The following PDK1 variants were observed in gnomAD, a reference collection of about 807,000 sequenced individuals.
PDK1 encodes pyruvate dehydrogenase kinase 1.
In PDK1, 39 loss-of-function variants were observed where a neutral mutation model predicts 54.2. The ratio of observed to expected loss-of-function variants is 0.72; its 90% CI spans 0.56 to 0.94. The LOEUF is 0.94. Among genes scored for constraint, PDK1 ranks in the 40% least tolerant of loss-of-function variants. The pLI is 0.00. For synonymous variants in PDK1, 221 were observed against 207.1 expected, an observed-to-expected ratio of 1.07 and a Z score of -0.58; for missense variants, 552 against 566.0, an observed-to-expected ratio of 0.98 and a Z score of 0.25.
the PDK1 span, among the ~76,000 whole-genome samples, chr2:172,675,839 G>T: frequency 6.6e-6 from 1 of 152,164 alleles, no homozygotes; most frequent in Non-Finnish European, 1.5e-5. Context: ...TTCAGAATTA[G>T]AGAGAAGAAG....
chr2:172,691,046 G>A, the PDK1 span, among the ~76,000 whole-genome samples: 1 of 150,318 alleles, frequency 6.7e-6, no homozygotes, highest in South Asian at 2.1e-4. Flanking sequence ...AACCCAGGAA[G>A]TCCAGCTGGC....
chr2:172,683,378 G>A, the PDK1 span, among the ~76,000 whole-genome samples: 1 of 151,164 alleles, frequency 6.6e-6, no homozygotes, highest in African/African-American at 2.4e-5. Flanking sequence ...ATAAAGAAAT[G>A]AGTTTTAATT....
chr2:172,675,438 G>A, the PDK1 span, among the ~76,000 whole-genome samples: 1 of 152,204 alleles, frequency 6.6e-6, no homozygotes, highest in African/African-American at 2.4e-5. Flanking sequence ...GTGAGCACTA[G>A]AATGATAAGA....
the PDK1 span, among the ~76,000 whole-genome samples, chr2:172,717,666 C>T: frequency 6.6e-6 from 1 of 152,166 alleles, no homozygotes; most frequent in Non-Finnish European, 1.5e-5. Context: ...TGCCTCACCT[C>T]CCGAATAAAT....
At chr2:172,722,182 T>G in the PDK1 span, among the ~76,000 whole-genome samples, 1 of 152,218 alleles carries the variant, frequency 6.6e-6, no homozygotes, top group African/African-American at 2.4e-5. Context: ...CCTCTATTGG[T>G]CCTAATCCCT....
downstream of PDK1, among the ~76,000 whole-genome samples, chr2:172,610,618 C>A (rs1304152808): frequency 1.3e-5 from 2 of 151,768 alleles, no homozygotes; most frequent in African/African-American, 4.8e-5. Flanking sequence ...TAATTTTTTT[C>A]TTTTTTCTTT....
chr2:172,704,488 T>A, the PDK1 span, among the ~76,000 whole-genome samples: 1 of 152,068 alleles, frequency 6.6e-6, no homozygotes, highest in African/African-American at 2.4e-5. Context: ...AGGTTTACAA[T>A]CTCTGTAAAG....
chr2:172,637,351 T>C, the PDK1 span, among the ~76,000 whole-genome samples: 2 of 152,202 alleles, frequency 1.3e-5, no homozygotes, highest in Admixed American at 6.5e-5. Flanking sequence ...CAGAGGTCAC[T>C]TATTCTGCCT....
chr2:172,630,218 C>A, the PDK1 span, among the ~76,000 whole-genome samples: 1 of 152,178 alleles, frequency 6.6e-6, no homozygotes, highest in Non-Finnish European at 1.5e-5. Context: ...TTCCTAAAAA[C>A]TATGTACTTG....
the PDK1 span, among the ~76,000 whole-genome samples, chr2:172,630,318 T>C: frequency 6.6e-6 from 1 of 152,224 alleles, no homozygotes; most frequent in Non-Finnish European, 1.5e-5. Flanking sequence ...GCTAGAGTAC[T>C]TCAAATTACC....
chr2:172,658,795 G>A, the PDK1 span, among the ~76,000 whole-genome samples: 2 of 152,088 alleles, frequency 1.3e-5, no homozygotes, highest in African/African-American at 2.4e-5. Flanking sequence ...TTAGGGTGGG[G>A]AAAAAACTGC....
intron 5 of PDK1, among the ~76,000 whole-genome samples, chr2:172,566,120 G>C (rs1688925384): frequency 6.6e-6 from 1 of 152,184 alleles, no homozygotes; most frequent in South Asian, 2.1e-4. Context: ...TTGTTACATA[G>C]ATAGCAATTA....
At chr2:172,591,640 G>C (rs1690595567) in intron 9 of PDK1, among the ~76,000 whole-genome samples, 1 of 152,170 alleles carries the variant, frequency 6.6e-6, no homozygotes, top group Non-Finnish European at 1.5e-5. Flanking sequence ...TAGTTGTATG[G>C]CCCTGCGCTG....
chr2:172,710,119 C>T, the PDK1 span, among the ~76,000 whole-genome samples: 2 of 152,008 alleles, frequency 1.3e-5, no homozygotes, highest in African/African-American at 2.4e-5. Flanking sequence ...ACGTAAGTGA[C>T]GAAAGTGGCT....
chr2:172,638,359 A>G, the PDK1 span, among the ~76,000 whole-genome samples: 26 of 152,388 alleles, frequency 1.7e-4, no homozygotes, highest in African/African-American at 6.3e-4. Flanking sequence ...CTTCTTGCTG[A>G]CATACATTTC....
Position 172,587,465 on chromosome 2 carries a change from A to G in PDK1, c.1056+1077A>G, listed in dbSNP as rs530405079. 8.5e-5 allele frequency among the ~76,000 whole-genome samples: 12 copies of G among 141,496 alleles called. 2 individuals carry two copies. The highest frequency in any genetic ancestry group is 3.2e-4 in the African/African-American group (12 of 37,326). 92.8% of individuals were successfully genotyped at this position (141,496 alleles called of 152,430 possible). ...TGCAGCTCATAAAGGTGGCACGTCC[A>G]GAGTTGTTTGTTCTTCTGGGTGGGT... On this transcript the variant is annotated intron_variant, in intron 9 of 10. Transcript: ENST00000282077.
chr2:172,689,574 G>A, the PDK1 span, among the ~76,000 whole-genome samples: 896 of 152,256 alleles, frequency 5.9e-3, 11 homozygotes, highest in African/African-American at 0.02. Context: ...AAAGCTGGAG[G>A]GATCATGCTA....
At chr2:172,638,941 A>G in the PDK1 span, among the ~76,000 whole-genome samples, 1 of 152,224 alleles carries the variant, frequency 6.6e-6, no homozygotes, top group Non-Finnish European at 1.5e-5. Context: ...ATAACTTGGA[A>G]TGGCATCAAA....
chr2:172,584,621 A>G (rs1690105377), intron 8 of PDK1, among the ~76,000 whole-genome samples: 1 of 145,698 alleles, frequency 6.9e-6, no homozygotes, highest in Admixed American at 6.9e-5. Context: ...TCTGGAAGTG[A>G]CATTGTTGTG....
Sources: gnomAD v4.1 joint callset for allele counts (sites outside exome capture counted in the v4.1 genomes callset) on GRCh38, gnomAD v4.1.1 for gene constraint, MANE v1.5 for transcripts, NCBI Gene and HGNC (gene_info 2026-07-23, HGNC 2026-07-21) for gene names.